The following GRID2IP variants were observed in gnomAD, a reference collection of about 807,000 sequenced individuals.
GRID2IP encodes the protein delphilin.
A neutral mutation model predicts 114.3 loss-of-function variants in GRID2IP; 78 were observed. That is an observed-to-expected ratio of 0.68 (90% confidence interval 0.57 to 0.82). GRID2IP has a LOEUF of 0.82. Ranked by LOEUF, GRID2IP falls within the 40% of genes least tolerant of loss-of-function variation. The pLI is 0.00. For synonymous variants in GRID2IP, 809 were observed against 724.0 expected, an observed-to-expected ratio of 1.12 and a Z score of -1.89; for missense variants, 1,727 against 1,678.5, an observed-to-expected ratio of 1.03 and a Z score of -0.51.
At chr7:6,535,824 G>C (rs1779714420) in intron 2 of GRID2IP, among the ~76,000 whole-genome samples, 1 of 152,116 alleles carries the variant, frequency 6.6e-6, no homozygotes. Flanking sequence ...GGATGCCATA[G>C]GCCAGGGCGG....
chr7:6,525,741 A>G (rs1011860107), intron 4 of GRID2IP, among the ~76,000 whole-genome samples: 29 of 152,222 alleles, frequency 1.9e-4, no homozygotes, highest in African/African-American at 6.5e-4. Context: ...GTTAGACAGC[A>G]GGCAGAGGCC....
intron 4 of GRID2IP, among the ~76,000 whole-genome samples, chr7:6,525,028 G>A (rs747911575): frequency 2.0e-5 from 3 of 152,006 alleles, no homozygotes; most frequent in Admixed American, 6.5e-5. Flanking sequence ...AAAATAGGCC[G>A]AGTGTGGTGC....
chr7:6,550,976 T>TGCC (rs1178768031), intron 1 of GRID2IP, 32 bp downstream of exon 1: 167 of 1,015,560 alleles, frequency 1.6e-4, no homozygotes, highest in East Asian at 3.0e-4. Flanking sequence ...GCCCCCTCCT[T>TGCC]CCCGCCCCCA....
In GRID2IP at chr7:6,506,834, A is replaced by G. The variant is rs1786606113; in HGVS notation, c.2545-927T>C. Among the ~76,000 whole-genome samples, 2 of 152,078 alleles carry G rather than the reference A, an allele frequency of 1.3e-5. No homozygotes were observed. Among genetic ancestry groups the G allele is most frequent in the South Asian group, 4.1e-4 (2 of 4,824 alleles). ...GTAGCTGGGACCACAGGCATGCACCACCAGGTCTGGCTAACTTTTTGATTT... is the reference window on the plus strand; with the variant it reads ...GTAGCTGGGACCACAGGCATGCACCGCCAGGTCTGGCTAACTTTTTGATTT... On this transcript the variant is annotated intron_variant, in intron 13 of 21. Coordinates refer to ENST00000457091, the MANE Select transcript of GRID2IP (RefSeq NM_001145118.2). The surrounding 1 kb of genome is among the most constrained non-coding windows in gnomAD (Gnocchi z 5.2).
At chr7:6,499,647 T>C (rs1342340190) in intron 20 of GRID2IP, among the ~76,000 whole-genome samples, 1 of 152,056 alleles carries the variant, frequency 6.6e-6, no homozygotes, top group Admixed American at 6.6e-5. Flanking sequence ...GCCAGGCTGG[T>C]CCCAAACTCC....
intron 1 of GRID2IP, among the ~76,000 whole-genome samples, chr7:6,546,137 G>A (rs1295411562): frequency 4.6e-5 from 7 of 151,708 alleles, no homozygotes; most frequent in African/African-American, 9.7e-5. Flanking sequence ...GGCAGAAAGC[G>A]CAGGCGAGAA....
Position 6,498,119 on chromosome 7 carries a change from G to C in GRID2IP, c.3509C>G (p.Ala1170Gly). 3 of 1,551,698 alleles carry C rather than the reference G, an allele frequency of 1.9e-6. No homozygotes were observed. The highest frequency in any genetic ancestry group is 2.6e-6 in the Non-Finnish European group (3 of 1,146,964). ...GCCGAAGAAAGCCTCAGAGGTGGTG[G>C]CCTTGGAATCCTCCCCAAAGAAGGC... ...ALAFFGEDSK[A>G]TTSEAFFGIF... Residue 1170 changes from alanine to glycine, a missense_variant, in exon 21 of 22, where the codon GCC becomes GGC. By Grantham distance (60) the Ala-to-Gly change is moderately conservative. Coordinates refer to ENST00000457091, the MANE Select transcript of GRID2IP (RefSeq NM_001145118.2).
At position 6,502,055 on chromosome 7, in the gene GRID2IP, T is replaced by C. The variant is rs1786431466; in HGVS notation, c.3214A>G (p.Ser1072Gly). 1 of 1,551,050 alleles carries C rather than the reference T, an allele frequency of 6.4e-7. No homozygotes were observed. The highest frequency in any genetic ancestry group is 8.7e-7 in the Non-Finnish European group (1 of 1,146,838). Residue 1072 changes from serine to glycine, a missense_variant, in exon 19 of 22, where the codon AGC (serine) becomes GGC (glycine). By Grantham distance (56) the Ser-to-Gly change is moderately conservative. Transcript: ENST00000457091. Reference sequence around the variant, plus strand: ...CCCAGGAGTTCAGGGAAGTGCTGGCTCAGCGATTTGGCAAGGATGTGCAGG... The same window carrying C: ...CCCAGGAGTTCAGGGAAGTGCTGGCCCAGCGATTTGGCAAGGATGTGCAGG... ...TFLHILAKSL[S>G]QHFPELLGFA...
chr7:6,511,226 AGCAGCACCAGAAT>A lies in GRID2IP; in HGVS notation c.1424-200_1424-188del, dbSNP rs376301380. On this transcript the variant is annotated intron_variant, in intron 8 of 21. Transcript: ENST00000457091. ...CCAGGGCAAGAAACCAGGTGCCAGG[AGCAGCACCAGAAT>A]GCAGCACCAGAATGCAGCTAGCCTG... is the stretch of plus-strand genomic sequence containing the variant. Among the ~76,000 whole-genome samples the A allele has an allele frequency of 2.1e-3, 313 of 152,284 alleles. 1 individual carries two copies. The highest frequency in any genetic ancestry group is 0.013 in the East Asian group (66 of 5,172).
At chr7:6,500,308 C>G (rs1033076259) in intron 20 of GRID2IP, among the ~76,000 whole-genome samples, 3 of 151,868 alleles carry the variant, frequency 2.0e-5, no homozygotes, top group African/African-American at 7.3e-5. Context: ...CTAAAAAATA[C>G]AAAAAATTAG....
intron 2 of GRID2IP, among the ~76,000 whole-genome samples, chr7:6,537,680 G>A (rs1779750048): frequency 6.6e-6 from 1 of 151,348 alleles, no homozygotes; most frequent in Non-Finnish European, 1.5e-5. Flanking sequence ...GCCCGGCTGA[G>A]ACCTCGTCTT....
intron 2 of GRID2IP, among the ~76,000 whole-genome samples, chr7:6,539,132 C>A (rs1562524597): frequency 8.7e-6 from 1 of 114,672 alleles, no homozygotes; most frequent in East Asian, 2.2e-4. Context: ...CAGACTGTGA[C>A]CTTTTTTTTT....
rs957440480 is a variant in GRID2IP at position 6,521,426 on chromosome 7, C to T, written c.1084+3G>A. 6.5e-7 allele frequency: 1 copy of T among 1,538,990 alleles called. No individual in the cohort carries two copies. The highest frequency in any genetic ancestry group is 2.0e-5 in the Admixed American group (1 of 49,642). On this transcript the variant is annotated splice_donor_region_variant and intron_variant, in intron 6 of 21. Coordinates refer to ENST00000457091, the MANE Select transcript of GRID2IP (RefSeq NM_001145118.2). This position sits in a 1 kb window ranked among gnomAD's most constrained non-coding sequence, Gnocchi z 4.1. ...GGAAGCCAAGTGTCCATGGGGGTCT[C>T]ACCACTGGCAAATGGGACGAGCCCT...
rs549873058 is a variant in GRID2IP at position 6,522,052 on chromosome 7, T to G, written c.920-95A>C. On this transcript the variant is annotated intron_variant, in intron 4 of 21. Coordinates refer to ENST00000457091, the MANE Select transcript of GRID2IP (RefSeq NM_001145118.2). ...TGTTTTACAGGCGAGAAATGGAGAC[T>G]CAGAGACCCATAGCTTGCCGGGCAT... 1.5e-4 allele frequency: 156 copies of G among 1,008,198 alleles called. No homozygotes were observed. The African/African-American group carries it at 2.3e-3, about 15-fold the overall frequency. 62.5% of individuals were successfully genotyped at this position (1,008,198 alleles called of 1,614,324 possible).
chr7:6,507,474 G>T lies in GRID2IP; in HGVS notation c.2544+511C>A, dbSNP rs1021544568. Among the ~76,000 whole-genome samples the T allele has an allele frequency of 1.3e-5, 2 of 152,140 alleles. No individual in the cohort carries two copies. The highest frequency in any genetic ancestry group is 6.5e-5 in the Admixed American group (1 of 15,268). ...TCTGCCCGATTTTAAGGGCCAGAAAGAAAACAGGGCATGGGAATCCTGGGG... is the reference window on the plus strand; with the variant it reads ...TCTGCCCGATTTTAAGGGCCAGAAATAAAACAGGGCATGGGAATCCTGGGG... On this transcript the variant is annotated intron_variant, in intron 13 of 21. Coordinates refer to ENST00000457091, the MANE Select transcript of GRID2IP (RefSeq NM_001145118.2). This position sits in a 1 kb window ranked among gnomAD's most constrained non-coding sequence, Gnocchi z 5.3.
At chr7:6,498,905 T>C (rs1320357244) in intron 20 of GRID2IP, among the ~76,000 whole-genome samples, 1 of 152,140 alleles carries the variant, frequency 6.6e-6, no homozygotes, top group East Asian at 1.9e-4. Context: ...CTCTGTTTTC[T>C]AGAGCATTTG....
In GRID2IP at chr7:6,508,590, G is replaced by T. The variant is rs1786666027; in HGVS notation, c.2128-189C>A. Among the ~76,000 whole-genome samples, 2 of 151,556 alleles carry T rather than the reference G, an allele frequency of 1.3e-5. No individual in the cohort carries two copies. The highest frequency in any genetic ancestry group is 4.2e-4 in the South Asian group (2 of 4,806). On this transcript the variant is annotated intron_variant, in intron 12 of 21. Coordinates refer to ENST00000457091, the MANE Select transcript of GRID2IP (RefSeq NM_001145118.2). The surrounding 1 kb of genome is among the most constrained non-coding windows in gnomAD (Gnocchi z 5.6). ...ACAGGTTAACCTCAGGCTGTGAGGG[G>T]GATAGCCTGGGCTAAGGATAGGACC...
intron 2 of GRID2IP, among the ~76,000 whole-genome samples, chr7:6,538,118 A>T (rs1213545423): frequency 6.6e-6 from 1 of 152,148 alleles, no homozygotes; most frequent in Non-Finnish European, 1.5e-5. Context: ...CTGTAACTCC[A>T]GCACTTTGGG....
At chr7:6,498,427 G>T (rs1786320681) in intron 20 of GRID2IP, among the ~76,000 whole-genome samples, 199 bp from the exon 21 acceptor site, 1 of 152,030 alleles carries the variant, frequency 6.6e-6, no homozygotes, top group Admixed American at 6.6e-5. Flanking sequence ...TCCTGGAACT[G>T]GCCACAGCCA....
Sources: gnomAD v4.1 joint callset for allele counts (sites outside exome capture counted in the v4.1 genomes callset) on GRCh38, gnomAD v4.1.1 for gene constraint, Gnocchi (gnomAD v3.1) non-coding constraint, MANE v1.5 for transcripts, NCBI Gene and HGNC (gene_info 2026-07-23, HGNC 2026-07-21) for gene names.